The following CCDC150 variants were observed in gnomAD, a reference collection of about 807,000 sequenced individuals.
The protein encoded by CCDC150 is coiled-coil domain-containing protein 150.
A neutral mutation model predicts 156.5 loss-of-function variants in CCDC150; 151 were observed. That is an observed-to-expected ratio of 0.97 (90% CI 0.85 to 1.10). CCDC150 has a LOEUF of 1.10. Among genes scored for constraint, CCDC150 ranks in the 50% least tolerant of loss-of-function variants. CCDC150 has a pLI of 0.00. For synonymous variants in CCDC150, 452 were observed against 429.4 expected, an observed-to-expected ratio of 1.05 and a Z score of -0.65; for missense variants, 1,312 against 1,268.1, an observed-to-expected ratio of 1.03 and a Z score of -0.53.
intron 4 of CCDC150, chr2:196,657,352 C>A: frequency 2.0e-6 from 1 of 490,536 alleles, no homozygotes; most frequent in Non-Finnish European, 3.7e-6. Context: ...ATTTGTACAA[C>A]CCTTACCCCA....
intron 13 of CCDC150, among the ~76,000 whole-genome samples, chr2:196,681,877 T>C (rs934653424): frequency 6.6e-6 from 1 of 152,140 alleles, no homozygotes; most frequent in Admixed American, 6.5e-5. Flanking sequence ...TTATCAGATA[T>C]GATTTGCAGG....
At chr2:196,694,288 T>G (rs1695675849) in intron 13 of CCDC150, among the ~76,000 whole-genome samples, 1 of 152,116 alleles carries the variant, frequency 6.6e-6, no homozygotes, top group African/African-American at 2.4e-5. Flanking sequence ...ACTCTTGACC[T>G]CAGGTGATCC....
chr2:196,723,277 C>T lies in CCDC150; in HGVS notation c.2429+1586C>T, dbSNP rs541902058. ...CAGTACTTTGGGAGGCCAAGGTGGG[C>T]GGATCACGAGGTCAGGAGATCGAGA... On this transcript the variant is annotated intron_variant, in intron 21 of 27. Transcript: ENST00000389175. Among the ~76,000 whole-genome samples the T allele has an allele frequency of 5.9e-4, 90 of 152,188 alleles. 1 individual carries two copies. In the South Asian group the frequency reaches 8.3e-3, roughly 14 times the overall value.
In CCDC150 at chr2:196,721,670, G is replaced by A. The variant is rs1559276702; in HGVS notation, c.2408G>A (p.Arg803Gln). 6 of 1,598,238 alleles carry A rather than the reference G, an allele frequency of 3.8e-6. No individual in the cohort carries two copies. In the African/African-American group the frequency reaches 4.0e-5, roughly 11 times the overall value. ...QEQLESKELE[R>Q]QNLETFKDRM... ...CAATTGGAAAGCAAAGAACTTGAGC[G>A]ACAGAATTTGGAAACCTTCAAGTAA... is the stretch of plus-strand genomic sequence containing the variant. The change falls in exon 21 of 28, where the codon CGA becomes CAA. Residue 803 changes from arginine to glutamine, a missense_variant. By Grantham distance (43) the Arg-to-Gln change is conservative. Transcript: ENST00000389175.
At chr2:196,714,498 C>G (rs1452315156) in intron 17 of CCDC150, among the ~76,000 whole-genome samples, 1 of 151,712 alleles carries the variant, frequency 6.6e-6, no homozygotes, top group East Asian at 1.9e-4. Flanking sequence ...TGATCCTTTG[C>G]TACTTGCTGG....
intron 4 of CCDC150, among the ~76,000 whole-genome samples, chr2:196,657,800 AT>A (rs1693312526): frequency 6.6e-6 from 1 of 152,208 alleles, no homozygotes. Context: ...GGATATTATT[AT>A]CCCCATTTTT....
chr2:196,665,404 A>G (rs181057325), intron 5 of CCDC150, among the ~76,000 whole-genome samples, 163 bp from the exon 6 acceptor site: 9 of 152,272 alleles, frequency 5.9e-5, no homozygotes, highest in Admixed American at 5.2e-4. Context: ...AGGTAATCCT[A>G]GGCAATCTAG....
chr2:196,661,672 T>C (rs1301465365), intron 5 of CCDC150, among the ~76,000 whole-genome samples: 1 of 152,144 alleles, frequency 6.6e-6, no homozygotes, highest in Non-Finnish European at 1.5e-5. Context: ...TCCTAAGAGA[T>C]AATAAATATA....
At chr2:196,723,431 G>A (rs890836761) in intron 21 of CCDC150, among the ~76,000 whole-genome samples, 2 of 152,154 alleles carry the variant, frequency 1.3e-5, no homozygotes, top group African/African-American at 2.4e-5. Context: ...GGGAGGCAGA[G>A]GTTGCAGTGA....
intron 21 of CCDC150, among the ~76,000 whole-genome samples, chr2:196,724,146 T>G (rs1698080854): frequency 6.6e-6 from 1 of 152,116 alleles, no homozygotes; most frequent in South Asian, 2.1e-4. Context: ...GCGATTTTCC[T>G]TAGAAGAAAA....
In CCDC150 at chr2:196,715,255, T is replaced by C. The variant is rs777324552; in HGVS notation, c.1866+2516T>C. Among the ~76,000 whole-genome samples, 47 of 152,234 alleles carry C rather than the reference T, an allele frequency of 3.1e-4. No homozygotes were observed. In the Middle Eastern group the frequency reaches 0.02, roughly 66 times the overall value. Reference sequence around the variant, plus strand: ...AACAGAGGAAGCAACCAAAATCTTATCAATAAGAGACTGGCTAAATAATAG... The same window carrying C: ...AACAGAGGAAGCAACCAAAATCTTACCAATAAGAGACTGGCTAAATAATAG... On this transcript the variant is annotated intron_variant, in intron 17 of 27. Transcript: ENST00000389175.
chr2:196,690,480 A>G (rs1398009904), intron 13 of CCDC150, among the ~76,000 whole-genome samples: 1 of 152,226 alleles, frequency 6.6e-6, no homozygotes, highest in Non-Finnish European at 1.5e-5. Context: ...AGGTAAATTC[A>G]TATAAATACA....
rs1340815974 is a variant in CCDC150, at chr2:196,674,395, A to G, written c.1137+47A>G. The G allele has an allele frequency of 2.6e-6, 3 of 1,153,978 alleles. No individual in the cohort carries two copies. The East Asian group carries it at 7.5e-5, about 29-fold the overall frequency. 71.5% of individuals were successfully genotyped at this position (1,153,978 alleles called of 1,614,324 possible). On this transcript the variant is annotated intron_variant, in intron 10 of 27. Coordinates refer to ENST00000389175, the MANE Select transcript of CCDC150 (RefSeq NM_001080539.2). ...CAACCAGAAAGCCAGCCTGGTTGAT[A>G]GATCAGGAAATGTTTATGGCCAACT...
At chr2:196,726,215 C>A in intron 22 of CCDC150, 116 bp downstream of exon 22, 1 of 1,199,316 alleles carries the variant, frequency 8.3e-7, no homozygotes, top group Non-Finnish European at 1.2e-6. Context: ...CTTTGATCAG[C>A]AGGCCAGATG....
At chr2:196,670,687 C>G (rs1405543617) in intron 8 of CCDC150, among the ~76,000 whole-genome samples, 1 of 151,716 alleles carries the variant, frequency 6.6e-6, no homozygotes, top group East Asian at 1.9e-4. Flanking sequence ...TAAGATCTTA[C>G]TGCTAATAGG....
intron 1 of CCDC150, among the ~76,000 whole-genome samples, chr2:196,645,852 A>G (rs981614486): frequency 2.6e-5 from 4 of 152,200 alleles, no homozygotes; most frequent in African/African-American, 9.7e-5. Context: ...AATGTTTTTC[A>G]AGAAGGTTGA....
chr2:196,677,788 C>T lies in CCDC150; in HGVS notation c.1509+427C>T, dbSNP rs578087740. On this transcript the variant is annotated intron_variant, in intron 13 of 27. Transcript: ENST00000389175. ...GGTGGATCATTTGAGGTCAGGAGTT[C>T]GAGACCAGCTCGACCTACATAGTGA... 1.6e-3 allele frequency among the ~76,000 whole-genome samples: 248 copies of T among 152,066 alleles called. 1 individual carries two copies. Among genetic ancestry groups the T allele is most frequent in the Middle Eastern group, 3.4e-3 (1 of 294 alleles).
At chr2:196,674,600 A>G (rs1338075769) in intron 10 of CCDC150, among the ~76,000 whole-genome samples, 1 of 152,146 alleles carries the variant, frequency 6.6e-6, no homozygotes, top group Admixed American at 6.6e-5. Context: ...TGTTTATAGA[A>G]TCATGGAGAA....
intron 15 of CCDC150, among the ~76,000 whole-genome samples, chr2:196,705,067 C>T (rs1366243220): frequency 6.6e-6 from 1 of 152,164 alleles, no homozygotes; most frequent in Non-Finnish European, 1.5e-5. Flanking sequence ...GGTATATACC[C>T]AGTAATGGGA....
Sources: allele counts gnomAD v4.1 joint callset (sites outside exome capture counted in the v4.1 genomes callset), GRCh38; gene constraint gnomAD v4.1.1; transcripts MANE v1.5; gene names NCBI Gene and HGNC (gene_info 2026-07-23, HGNC 2026-07-21).